Variants in PTPRK observed in about 807,000 individuals in gnomAD.
The protein encoded by PTPRK is protein tyrosine phosphatase receptor type K, also known as receptor-type tyrosine-protein phosphatase kappa.
In PTPRK, 75 loss-of-function variants were observed where a neutral mutation model predicts 178.0. That is an observed-to-expected ratio of 0.42 (90% CI 0.35 to 0.51). The LOEUF is 0.51. Ranked by LOEUF, PTPRK falls within the 20% of genes least tolerant of loss-of-function variation. The pLI is 0.02. For missense variants in PTPRK, 1,441 were observed against 1,797.8 expected (o/e 0.80, Z 3.59); for synonymous variants, 637 against 620.6 (o/e 1.03, Z -0.39).
intron 2 of PTPRK, among the ~76,000 whole-genome samples, chr6:128,396,352 A>G (rs1840300112): frequency 6.7e-6 from 1 of 148,532 alleles, no homozygotes; most frequent in East Asian, 1.9e-4. Context: ...TTATATATAC[A>G]TAACTATATA....
At chr6:128,013,285 C>T (rs1779244740) in intron 13 of PTPRK, among the ~76,000 whole-genome samples, 1 of 151,416 alleles carries the variant, frequency 6.6e-6, no homozygotes, top group East Asian at 1.9e-4. Context: ...TGCCTCTTGA[C>T]ACTGTGTTCC....
chr6:128,354,231 G>GTTT lies in PTPRK; in HGVS notation c.224-31924_224-31922dup, dbSNP rs756148554. 2.2e-4 allele frequency among the ~76,000 whole-genome samples: 11 copies of GTTT among 49,368 alleles called. 3 individuals are homozygous for GTTT. The highest frequency in any genetic ancestry group is 2.4e-3 in the South Asian group (2 of 834). 32.4% of individuals were successfully genotyped at this position (49,368 alleles called of 152,430 possible). On this transcript the variant is annotated intron_variant, in intron 2 of 29. Transcript: ENST00000368226. ...ACATGTATTTTGGTTTTTTGTTTAT[G>GTTT]TTTTTTTTTTTTTTTTTTTTTTTTG...
intron 2 of PTPRK, among the ~76,000 whole-genome samples, chr6:128,385,247 T>A (rs983231423): frequency 1.3e-5 from 2 of 151,906 alleles, no homozygotes; most frequent in African/African-American, 2.4e-5. Context: ...TTTCAAGAGG[T>A]CTTTTCTTCT....
intron 13 of PTPRK, among the ~76,000 whole-genome samples, chr6:128,058,834 AT>A (rs1168476251): frequency 7.3e-5 from 11 of 151,722 alleles, no homozygotes; most frequent in African/African-American, 2.7e-4. Context: ...TATAACTCTT[AT>A]ATGTAGCTGT....
At position 128,102,819 on chromosome 6, in the gene PTPRK, TC is replaced by T. The variant is rs1433120251; in HGVS notation, c.1163-12828del. Among the ~76,000 whole-genome samples the T allele has an allele frequency of 3.3e-5, 5 of 152,122 alleles. No homozygotes were observed. In the South Asian group the frequency reaches 1.0e-3, roughly 32 times the overall value. ...CATAGCATGTTCCCTGGCCAAGCTT[TC>T]CTATCTCAGTAAAGTCACTCCAGTT... On this transcript the variant is annotated intron_variant, in intron 7 of 29. Coordinates refer to ENST00000368226, the MANE Select transcript of PTPRK (RefSeq NM_002844.4).
chr6:128,409,237 T>C (rs79161879), intron 1 of PTPRK: 7 of 430,022 alleles, frequency 1.6e-5, no homozygotes, highest in Non-Finnish European at 4.6e-6. Context: ...AATAAACTTA[T>C]CTAAAACATG....
chr6:128,074,737 T>C (rs544098290), intron 11 of PTPRK, among the ~76,000 whole-genome samples: 1 of 152,188 alleles, frequency 6.6e-6, no homozygotes, highest in South Asian at 2.1e-4. Context: ...TGTTCTACAT[T>C]AGCATAGGGA....
At chr6:128,467,315 T>C (rs1849985834) in intron 1 of PTPRK, among the ~76,000 whole-genome samples, 2 of 152,102 alleles carry the variant, frequency 1.3e-5, no homozygotes, top group African/African-American at 4.8e-5. Context: ...AATCCTATCT[T>C]GCTAATGTTA....
Position 128,511,261 on chromosome 6 carries a change from A to T in PTPRK, c.100+8998T>A, listed in dbSNP as rs1006084836. 2.6e-5 allele frequency among the ~76,000 whole-genome samples: 4 copies of T among 152,258 alleles called. No individual in the cohort carries two copies. The South Asian group carries it at 8.3e-4, about 32-fold the overall frequency. ...CTTAGAGATCACCTAGTGGTCCACA[A>T]CAGAGAACAATCTGATCCTACTGTC... is the stretch of plus-strand genomic sequence containing the variant. On this transcript the variant is annotated intron_variant, in intron 1 of 29. Coordinates refer to ENST00000368226, the MANE Select transcript of PTPRK (RefSeq NM_002844.4).
At chr6:128,185,068 A>C (rs1486321400) in intron 6 of PTPRK, among the ~76,000 whole-genome samples, 2 of 152,142 alleles carry the variant, frequency 1.3e-5, no homozygotes, top group East Asian at 1.9e-4. Flanking sequence ...GATCTTTGAC[A>C]ATTTATTTCA....
rs560625037 is a variant in PTPRK, at chr6:127,974,068, A to G, written c.3970-241T>C. 1.9e-4 allele frequency among the ~76,000 whole-genome samples: 29 copies of G among 152,300 alleles called. 2 individuals carry two copies. The highest frequency in any genetic ancestry group is 7.0e-4 in the African/African-American group (29 of 41,576). On this transcript the variant is annotated intron_variant, in intron 27 of 29. Transcript: ENST00000368226. ...ATGTATCCAGTAATTCATTACTACG[A>G]TTACATTTCCTAAATAACTTTCAGA...
chr6:128,264,097 CA>C (rs1818590678), intron 3 of PTPRK, among the ~76,000 whole-genome samples: 1 of 152,080 alleles, frequency 6.6e-6, no homozygotes, highest in South Asian at 2.1e-4. Context: ...TAAAACATGA[CA>C]AAAGAAGAAA....
intron 1 of PTPRK, 30 bp downstream of exon 1, chr6:128,520,229 G>T (rs1858837288): frequency 1.3e-6 from 2 of 1,550,982 alleles, no homozygotes; most frequent in Non-Finnish European, 1.7e-6. Flanking sequence ...GACTCCAGGC[G>T]TTCGTCGGGG....
At chr6:128,075,500 C>A (rs1014126520) in intron 11 of PTPRK, among the ~76,000 whole-genome samples, 12 of 151,982 alleles carry the variant, frequency 7.9e-5, no homozygotes, top group Non-Finnish European at 1.5e-4. Flanking sequence ...ATTTCTACCT[C>A]TCCTCACAAA....
At chr6:128,483,718 T>C (rs930445333) in intron 1 of PTPRK, among the ~76,000 whole-genome samples, 2 of 152,124 alleles carry the variant, frequency 1.3e-5, no homozygotes, top group Admixed American at 1.3e-4. Flanking sequence ...CGAACCAACC[T>C]GTCCCAAATA....
intron 7 of PTPRK, among the ~76,000 whole-genome samples, chr6:128,158,984 C>A (rs558155365): frequency 9.2e-5 from 14 of 151,892 alleles, no homozygotes; most frequent in Middle Eastern, 3.4e-3. Context: ...AGATCAAAAT[C>A]ATTGTAGGGG....
intron 1 of PTPRK, among the ~76,000 whole-genome samples, chr6:128,467,749 A>T (rs1850064745): frequency 6.6e-6 from 1 of 151,754 alleles, no homozygotes; most frequent in Non-Finnish European, 1.5e-5. Context: ...CTTAGTATCA[A>T]TAGCTTCAAT....
At chr6:128,038,504 A>G (rs1463129535) in intron 13 of PTPRK, among the ~76,000 whole-genome samples, 1 of 152,162 alleles carries the variant, frequency 6.6e-6, no homozygotes, top group African/African-American at 2.4e-5. Context: ...TACAGTTCTT[A>G]TAACTTCTAG....
chr6:128,347,002 T>C (rs1832516534), intron 2 of PTPRK, among the ~76,000 whole-genome samples: 1 of 152,160 alleles, frequency 6.6e-6, no homozygotes, highest in East Asian at 1.9e-4. Flanking sequence ...GCCTGTTTAC[T>C]GAGAGACATG....
Sources: allele counts gnomAD v4.1 joint callset (sites outside exome capture counted in the v4.1 genomes callset), GRCh38; gene constraint gnomAD v4.1.1; transcripts MANE v1.5; gene names NCBI Gene and HGNC (gene_info 2026-07-23, HGNC 2026-07-21).